Variants in ATAD2B observed in about 807,000 individuals in gnomAD.
The protein encoded by ATAD2B is ATPase family AAA domain-containing protein 2B.
ATAD2B carries 40 observed loss-of-function variants against 167.6 expected under a neutral mutation model. The observed-to-expected ratio is 0.24, with a 90% CI of 0.19 to 0.31. ATAD2B has a LOEUF of 0.31. Among genes scored for constraint, ATAD2B ranks in the 10% least tolerant of loss-of-function variants. ATAD2B has a pLI of 1.00. For missense variants in ATAD2B, 1,242 were observed against 1,757.2 expected, an observed-to-expected ratio of 0.71 and a Z score of 5.24; for synonymous variants, 579 against 596.5, an observed-to-expected ratio of 0.97 and a Z score of 0.43.
At chr2:23,796,035 C>A (rs1682568736) in intron 19 of ATAD2B, among the ~76,000 whole-genome samples, 1 of 152,068 alleles carries the variant, frequency 6.6e-6, no homozygotes, top group African/African-American at 2.4e-5. Flanking sequence ...GGAGTCAAGA[C>A]CAGCCTGGGA....
At chr2:23,733,290 G>A in the ATAD2B span, among the ~76,000 whole-genome samples, 1 of 152,062 alleles carries the variant, frequency 6.6e-6, no homozygotes, top group African/African-American at 2.4e-5. Flanking sequence ...ACCTGCACTG[G>A]AGCATTTGAT....
the ATAD2B span, among the ~76,000 whole-genome samples, chr2:23,738,277 A>C: frequency 1.3e-5 from 2 of 152,250 alleles, no homozygotes; most frequent in East Asian, 3.8e-4. Context: ...ATGAAGAAAC[A>C]AATGTTCAGG....
the ATAD2B span, among the ~76,000 whole-genome samples, chr2:23,714,680 C>A: frequency 1.3e-5 from 2 of 151,578 alleles, no homozygotes; most frequent in African/African-American, 4.8e-5. Flanking sequence ...CATGGTGAAA[C>A]CCTGTCTCTA....
At chr2:23,760,751 T>TACACACACAC (rs202241182) in intron 24 of ATAD2B, among the ~76,000 whole-genome samples, 2 of 100,342 alleles carry the variant, frequency 2.0e-5, no homozygotes, top group African/African-American at 6.8e-5. Context: ...CACACACACA[T>TACACACACAC]ACACACACAC....
intron 1 of ATAD2B, among the ~76,000 whole-genome samples, chr2:23,924,108 C>T (rs978521413): frequency 3.3e-5 from 5 of 151,634 alleles, no homozygotes; most frequent in African/African-American, 9.7e-5. Flanking sequence ...GCGTGAACCC[C>T]GGGGGGCGGA....
chr2:23,841,400 A>G (rs962907586), intron 13 of ATAD2B, among the ~76,000 whole-genome samples: 12 of 152,194 alleles, frequency 7.9e-5, no homozygotes, highest in Non-Finnish European at 1.2e-4. Flanking sequence ...CTATTTAACT[A>G]TTGTCGACAT....
At chr2:23,811,429 C>G (rs1439831677) in intron 17 of ATAD2B, 3 of 152,368 alleles carry the variant, frequency 2.0e-5, no homozygotes, top group Non-Finnish European at 2.9e-5. Flanking sequence ...AGGCAGAAAC[C>G]AAGCCCCCAC....
intron 13 of ATAD2B, among the ~76,000 whole-genome samples, chr2:23,839,420 G>A (rs1690523644): frequency 6.6e-6 from 1 of 151,992 alleles, no homozygotes; most frequent in Non-Finnish European, 1.5e-5. Context: ...TATATTCCTT[G>A]TTCTCTAAGA....
chr2:23,862,524 C>T (rs1225651730), intron 12 of ATAD2B, among the ~76,000 whole-genome samples: 3 of 150,700 alleles, frequency 2.0e-5, no homozygotes, highest in South Asian at 2.1e-4. Context: ...AATCCATCTG[C>T]CTTGGCCTCT....
In ATAD2B at chr2:23,861,934, C is replaced by T. The variant is rs542727944; in HGVS notation, c.1479+1447G>A. ...AATAGTACTGGGCCAGACACAGAGGCTCATGCCTATAATCCCAACACTTTG... is the reference window on the plus strand; with the variant it reads ...AATAGTACTGGGCCAGACACAGAGGTTCATGCCTATAATCCCAACACTTTG... On this transcript the variant is annotated intron_variant, in intron 12 of 27. Coordinates refer to ENST00000238789, the MANE Select transcript of ATAD2B (RefSeq NM_017552.4). Among the ~76,000 whole-genome samples, 5 of 152,340 alleles carry T rather than the reference C, an allele frequency of 3.3e-5. No individual in the cohort carries two copies. The East Asian group carries it at 9.6e-4, about 29-fold the overall frequency.
intron 19 of ATAD2B, among the ~76,000 whole-genome samples, chr2:23,790,967 C>T (rs1039038700): frequency 1.3e-5 from 2 of 152,178 alleles, no homozygotes; most frequent in African/African-American, 4.8e-5. Flanking sequence ...AATCCCCACT[C>T]CCACTCCCAT....
At chr2:23,710,651 G>A in the ATAD2B span, among the ~76,000 whole-genome samples, 1 of 152,160 alleles carries the variant, frequency 6.6e-6, no homozygotes, top group African/African-American at 2.4e-5. Flanking sequence ...TCCCCATTCA[G>A]ATTCAACCAA....
the ATAD2B span, among the ~76,000 whole-genome samples, chr2:23,734,809 C>A: frequency 6.6e-6 from 1 of 152,148 alleles, no homozygotes; most frequent in Non-Finnish European, 1.5e-5. Flanking sequence ...CCTATCAGTT[C>A]CTCTCCTCTA....
chr2:23,766,671 C>A (rs1033305170), intron 22 of ATAD2B, among the ~76,000 whole-genome samples: 3 of 152,136 alleles, frequency 2.0e-5, no homozygotes, highest in African/African-American at 7.2e-5. Flanking sequence ...TATCAACTTT[C>A]AAGGACTTTT....
the ATAD2B span, among the ~76,000 whole-genome samples, chr2:23,685,136 G>A: frequency 6.6e-6 from 1 of 152,230 alleles, no homozygotes; most frequent in South Asian, 2.1e-4. Context: ...GTGGAGCATA[G>A]ACCAGGTGTG....
the ATAD2B span, among the ~76,000 whole-genome samples, chr2:23,730,314 G>A: frequency 6.6e-6 from 1 of 152,042 alleles, no homozygotes; most frequent in Non-Finnish European, 1.5e-5. Context: ...TTATTCAGGG[G>A]TCAAAGAAGA....
the ATAD2B span, among the ~76,000 whole-genome samples, chr2:23,739,566 T>A: frequency 2.6e-4 from 40 of 151,252 alleles, no homozygotes; most frequent in East Asian, 7.4e-3. Context: ...TAGAGGGAAA[T>A]TTATAGCACT....
chr2:23,857,715 A>G (rs1250044319), intron 12 of ATAD2B, among the ~76,000 whole-genome samples: 3 of 150,634 alleles, frequency 2.0e-5, no homozygotes, highest in Admixed American at 1.3e-4. Flanking sequence ...TCTTCCATAC[A>G]TACTTATACA....
chr2:23,682,699 C>A, the ATAD2B span, among the ~76,000 whole-genome samples: 1 of 152,116 alleles, frequency 6.6e-6, no homozygotes, highest in South Asian at 2.1e-4. This position sits in a 1 kb window ranked among gnomAD's most constrained non-coding sequence, Gnocchi z 4.1. Context: ...CGCACCCTCC[C>A]GCGCCCTCCC....
Sources: gnomAD v4.1 joint callset for allele counts (sites outside exome capture counted in the v4.1 genomes callset) on GRCh38, gnomAD v4.1.1 for gene constraint, Gnocchi (gnomAD v3.1) non-coding constraint, MANE v1.5 for transcripts, NCBI Gene and HGNC (gene_info 2026-07-23, HGNC 2026-07-21) for gene names.